JADE2: variants seen among roughly 807,000 people sequenced by gnomAD.
The protein encoded by JADE2 is E3 ubiquitin-protein ligase Jade-2.
In JADE2, 13 loss-of-function variants were observed where a neutral mutation model predicts 85.7. That is an observed-to-expected ratio of 0.15 (90% CI 0.10 to 0.24). The LOEUF (loss-of-function observed/expected upper bound fraction) is 0.24. Ranked by LOEUF, JADE2 falls within the 10% of genes least tolerant of loss-of-function variation. JADE2 has a pLI of 1.00. For missense variants in JADE2, 846 were observed against 1,115.9 expected, an observed-to-expected ratio of 0.76 and a Z score of 3.45; for synonymous variants, 440 against 456.1, an observed-to-expected ratio of 0.96 and a Z score of 0.45.
upstream of JADE2, among the ~76,000 whole-genome samples, chr5:134,525,278 G>A (rs1467962945): frequency 2.6e-5 from 4 of 152,012 alleles, no homozygotes; most frequent in Admixed American, 2.6e-4. Context: ...ATGTGTGTGA[G>A]TGTGTGAAGT....
chr5:134,545,973 G>T (rs1433895623), intron 3 of JADE2, among the ~76,000 whole-genome samples: 1 of 152,114 alleles, frequency 6.6e-6, no homozygotes, highest in South Asian at 2.1e-4. Flanking sequence ...ATTTTAATTG[G>T]CTTTGGGACA....
At chr5:134,549,058 A>G (rs959295415) in intron 3 of JADE2, among the ~76,000 whole-genome samples, 13 of 152,306 alleles carry the variant, frequency 8.5e-5, no homozygotes, top group African/African-American at 3.1e-4. Context: ...AGGACAAGGC[A>G]TGGCAGGGGA....
chr5:134,537,358 A>T (rs1761659710), intron 2 of JADE2, among the ~76,000 whole-genome samples: 1 of 152,254 alleles, frequency 6.6e-6, no homozygotes, highest in South Asian at 2.1e-4. Context: ...TTTATTGAGG[A>T]ATCACTCTGT....
At chr5:134,574,505 C>T (rs1372865869) in intron 10 of JADE2, 2 of 152,414 alleles carry the variant, frequency 1.3e-5, no homozygotes, top group Non-Finnish European at 2.9e-5. Context: ...GAGCCAGGGT[C>T]TGCCAATGCC....
intron 9 of JADE2, among the ~76,000 whole-genome samples, chr5:134,572,863 G>A (rs1352307682): frequency 6.6e-6 from 1 of 152,238 alleles, no homozygotes; most frequent in Non-Finnish European, 1.5e-5. Flanking sequence ...TGGTGTCTAA[G>A]GCCCCAAGGG....
chr5:134,563,461 C>A (rs1161877741), intron 7 of JADE2, among the ~76,000 whole-genome samples: 3 of 152,158 alleles, frequency 2.0e-5, no homozygotes, highest in Non-Finnish European at 4.4e-5. Context: ...GGTCCAGAGT[C>A]AGTGAGTTAG....
In JADE2 at chr5:134,525,819, G is replaced by T. The variant is rs1159046784; in HGVS notation, c.-193G>T. The T allele has an allele frequency of 2.0e-6, 2 of 1,012,264 alleles. No homozygotes were observed. Among genetic ancestry groups the T allele is most frequent in the Admixed American group, 1.2e-4 (2 of 16,462 alleles). The allele number at this position is 1,012,264 out of a possible 1,614,324, so 62.7% of individuals were successfully genotyped here. ...TAGGTCCTGCGGGCCGACCGTCCCC[G>T]GCGGGGGGCGTGGGGCCTGGGACGC... On this transcript the variant is annotated 5_prime_UTR_variant, in exon 1 of 12. Coordinates refer to ENST00000681547, the MANE Select transcript of JADE2 (RefSeq NM_001388185.1).
At chr5:134,545,410 G>GTT (rs60025872) in intron 3 of JADE2, among the ~76,000 whole-genome samples, 28 of 146,840 alleles carry the variant, frequency 1.9e-4, no homozygotes, top group Non-Finnish European at 2.1e-4. Context: ...GTTGAGTGGG[G>GTT]TTTTTTTTTT....
chr5:134,567,773 G>A (rs1033135591), intron 9 of JADE2, among the ~76,000 whole-genome samples: 2 of 152,232 alleles, frequency 1.3e-5, no homozygotes, highest in Admixed American at 1.3e-4. Flanking sequence ...CTGCTCAAGA[G>A]GGAAATGACC....
At chr5:134,540,436 G>A (rs1761900375) in intron 3 of JADE2, among the ~76,000 whole-genome samples, 1 of 144,090 alleles carries the variant, frequency 6.9e-6, no homozygotes, top group African/African-American at 2.6e-5. Context: ...GTCTCACTGT[G>A]TTGCTCAGGC....
intron 1 of JADE2, among the ~76,000 whole-genome samples, chr5:134,532,723 T>C (rs551412007): frequency 6.6e-6 from 1 of 152,226 alleles, no homozygotes; most frequent in South Asian, 2.1e-4. Context: ...CAGTCCTGGA[T>C]TTCAGCTTTG....
intron 5 of JADE2, 129 bp from the exon 6 acceptor site, chr5:134,560,617 A>G (rs997881488): frequency 2.4e-5 from 18 of 740,574 alleles, no homozygotes; most frequent in Non-Finnish European, 4.0e-5. Flanking sequence ...CCCAGGTCCA[A>G]CAGTGGGTGG....
Position 134,535,898 on chromosome 5 carries a change from A to G in JADE2, c.41A>G (p.Asn14Ser). The change falls in exon 2 of 12, where the codon AAC (asparagine) becomes AGC (serine). Residue 14 changes from asparagine (N) to serine (S), a missense_variant. Around this residue, in one of 9 missense-constraint regions of JADE2, gnomAD observed 47 missense variants for 42.2 expected, o/e 1.11. Transcript: ENST00000681547. ...KRRKYSISSD[N>S]SDTTDSHATS... ...CGAAAATACTCCATCAGCAGTGACA[A>G]CTCTGACACCACTGACAGTAAGGCC... 1.2e-6 allele frequency: 2 copies of G among 1,613,694 alleles called. No homozygotes were observed. Among genetic ancestry groups the G allele is most frequent in the South Asian group, 1.1e-5 (1 of 91,050 alleles).
chr5:134,567,547 T>C (rs1234125028), intron 9 of JADE2, among the ~76,000 whole-genome samples: 1 of 152,132 alleles, frequency 6.6e-6, no homozygotes, highest in East Asian at 1.9e-4. Flanking sequence ...GGTTCAGACA[T>C]ACATGCTCAC....
Position 134,560,804 on chromosome 5 carries a change from G to A in JADE2, c.531G>A (p.Leu177=). ...LERVLEELET[L]CHQNMARAIE... is the part of the protein sequence containing the mutation. The stretch of plus-strand genomic sequence containing the variant: ...GTGTGCTGGAGGAGCTGGAGACCCT[G>A]TGCCACCAGAATATGGCCAGGGCCA... The change falls in exon 6 of 12, where the codon CTG becomes CTA. Residue 177 remains leucine, a synonymous_variant. Transcript: ENST00000681547. 2 of 1,614,204 alleles carry A rather than the reference G, an allele frequency of 1.2e-6. No individual in the cohort carries two copies. Among genetic ancestry groups the A allele is most frequent in the South Asian group, 2.2e-5 (2 of 91,090 alleles).
chr5:134,562,291 A>G lies in JADE2; in HGVS notation c.776A>G (p.Lys259Arg), dbSNP rs1763372643. 1.2e-6 allele frequency: 2 copies of G among 1,614,076 alleles called. No homozygotes were observed. The highest frequency in any genetic ancestry group is 1.7e-6 in the Non-Finnish European group (2 of 1,179,996). Residue 259 changes from lysine to arginine, a missense_variant, in exon 7 of 12, where the codon AAG becomes AGG. This residue lies in a region of JADE2 where 129 missense variants were observed against 255.4 expected (regional missense o/e 0.51). Transcript: ENST00000681547. The surrounding 1 kb of genome is among the most constrained non-coding windows in gnomAD (Gnocchi z 4.6). ...CAGCCAAAGTGCCTGCTCTGCCCCA[A>G]GCGAGGAGGAGCCTTGAAGCCCACT... ...GVQPKCLLCP[K>R]RGGALKPTRS...
chr5:134,564,650 TGA>T, intron 8 of JADE2, 40 bp downstream of exon 8: 1 of 1,343,764 alleles, frequency 7.4e-7, no homozygotes, highest in Non-Finnish European at 1.0e-6. Context: ...AGGAGCTGGC[TGA>T]GAGGCATGCT....
rs1389136002 is a variant in JADE2 at position 134,578,511 on chromosome 5, T to A, written c.1699T>A (p.Phe567Ile). Reference protein sequence around the residue: ...LGQLAGLSTSFPIDGTFFNSW... With the variant: ...LGQLAGLSTSIPIDGTFFNSW... ...CCCCTCAGCAGGCCTGTCCACCTCA[T>A]TCCCCATCGATGGCACCTTCTTCAA... is the stretch of plus-strand genomic sequence containing the variant. Residue 567 changes from phenylalanine (F) to isoleucine (I), a missense_variant, in exon 12 of 12, where the codon TTC (phenylalanine) becomes ATC (isoleucine). Physicochemically the swap from Phe to Ile is conservative, Grantham distance 21. Transcript: ENST00000681547. This position sits in a 1 kb window ranked among gnomAD's most constrained non-coding sequence, Gnocchi z 4.4. 3.1e-6 allele frequency: 5 copies of A among 1,590,126 alleles called. No individual in the cohort carries two copies. The South Asian group carries it at 5.7e-5, about 18-fold the overall frequency.
intron 1 of JADE2, 40 bp from the exon 2 acceptor site, chr5:134,535,818 A>C: frequency 5.0e-6 from 8 of 1,591,368 alleles, no homozygotes; most frequent in Non-Finnish European, 6.0e-6. Context: ...AGGATTTCCC[A>C]AGCCATCCGT....
Sources: allele counts gnomAD v4.1 joint callset (sites outside exome capture counted in the v4.1 genomes callset), GRCh38; gene constraint gnomAD v4.1.1; regional missense constraint gnomAD v4.1.1; non-coding constraint Gnocchi (gnomAD v3.1); transcripts MANE v1.5; gene names NCBI Gene and HGNC (gene_info 2026-07-23, HGNC 2026-07-21).